POU1F1: variants seen among roughly 807,000 people sequenced by gnomAD.
POU1F1 encodes the protein pituitary-specific positive transcription factor 1.
POU1F1 carries 23 observed loss-of-function variants against 32.3 expected under a neutral mutation model. That is an observed-to-expected ratio of 0.71 (90% CI 0.51 to 1.01). The LOEUF is 1.01. POU1F1 is among the 50% of genes least tolerant of loss of function. The pLI, the probability that POU1F1 is intolerant of heterozygous loss-of-function variation, is 0.00. For synonymous variants in POU1F1, 120 were observed against 115.6 expected (o/e 1.04, Z -0.25); for missense variants, 323 against 341.6 (o/e 0.95, Z 0.43).
chr3:87,267,794 C>T (rs759788344), intron 2 of POU1F1, among the ~76,000 whole-genome samples: 12 of 152,074 alleles, frequency 7.9e-5, no homozygotes, highest in Non-Finnish European at 1.0e-4. Flanking sequence ...TTTGCACAGA[C>T]GGGATCTCAC....
intron 2 of POU1F1, among the ~76,000 whole-genome samples, chr3:87,271,448 C>T (rs909603636): frequency 1.3e-5 from 2 of 152,148 alleles, no homozygotes; most frequent in African/African-American, 2.4e-5. Flanking sequence ...TGGTTTTAAT[C>T]TTGGTGCCAA....
chr3:87,267,634 G>A (rs1459745843), intron 2 of POU1F1, among the ~76,000 whole-genome samples: 1 of 151,870 alleles, frequency 6.6e-6, no homozygotes, highest in Non-Finnish European at 1.5e-5. Flanking sequence ...TAGAGATGGG[G>A]TCACACTCTG....
At chr3:87,260,871 TTTTTATTTA>T (rs1356805362) in intron 5 of POU1F1, among the ~76,000 whole-genome samples, 26 of 4,862 alleles carry the variant, frequency 5.3e-3, no homozygotes, top group African/African-American at 0.02. Context: ...TATTATTTTT[TTTTTATTTA>T]TTTATTTATT....
intron 2 of POU1F1, among the ~76,000 whole-genome samples, chr3:87,268,084 C>CTTT (rs11387958): frequency 5.5e-4 from 64 of 116,428 alleles, no homozygotes; most frequent in Non-Finnish European, 8.4e-4. Flanking sequence ...TTCCCTTTCC[C>CTTT]TTTTTTTTTT....
At chr3:87,268,640 A>G (rs1706671306) in intron 2 of POU1F1, among the ~76,000 whole-genome samples, 1 of 152,184 alleles carries the variant, frequency 6.6e-6, no homozygotes, top group Non-Finnish European at 1.5e-5. Flanking sequence ...AAAAAGTAGG[A>G]ATAAGATAAA....
chr3:87,267,695 A>C (rs747065847), intron 2 of POU1F1, among the ~76,000 whole-genome samples: 24 of 152,034 alleles, frequency 1.6e-4, no homozygotes, highest in Non-Finnish European at 2.6e-4. Flanking sequence ...GCAATCTCAA[A>C]TTTCTGGCCT....
chr3:87,268,801 T>G (rs911623005), intron 2 of POU1F1, among the ~76,000 whole-genome samples: 11 of 152,170 alleles, frequency 7.2e-5, no homozygotes, highest in African/African-American at 2.7e-4. Flanking sequence ...ACATTGAAGA[T>G]TAATTCACCA....
At chr3:87,271,678 T>G (rs969439538) in intron 2 of POU1F1, among the ~76,000 whole-genome samples, 6 of 152,178 alleles carry the variant, frequency 3.9e-5, no homozygotes, top group African/African-American at 1.4e-4. Context: ...ATTTTACTAT[T>G]TTATAATGAC....
chr3:87,273,333 A>T lies in POU1F1; in HGVS notation c.214+14T>A. 1 of 1,608,322 alleles carries T rather than the reference A, an allele frequency of 6.2e-7. No individual in the cohort carries two copies. The highest frequency in any genetic ancestry group is 1.1e-5 in the South Asian group (1 of 90,770). On this transcript the variant is annotated intron_variant, in intron 2 of 5. Coordinates refer to ENST00000350375, the MANE Select transcript of POU1F1 (RefSeq NM_000306.4). ...CCCCAAATTCAATAACATGTAAAAG[A>T]CAACTTTTCTTACCTGCCATCACTC... is the stretch of plus-strand genomic sequence containing the variant.
chr3:87,273,615 C>T (rs769613161), intron 1 of POU1F1, 197 bp from the exon 2 acceptor site: 22 of 1,021,900 alleles, frequency 2.2e-5, no homozygotes, highest in Admixed American at 5.7e-5. Flanking sequence ...AGTTCTCTGA[C>T]GAGTAGGTTA....
intron 2 of POU1F1, among the ~76,000 whole-genome samples, chr3:87,272,582 C>T (rs994485169): frequency 2.2e-4 from 33 of 152,264 alleles, no homozygotes; most frequent in African/African-American, 6.5e-4. Context: ...GCCAGATCTA[C>T]GCATTCCTCA....
chr3:87,276,210 T>C, intron 1 of POU1F1, 111 bp downstream of exon 1: 1 of 1,361,012 alleles, frequency 7.3e-7, no homozygotes, highest in Non-Finnish European at 1.0e-6. Context: ...ACAAATTAAA[T>C]TGGAGGGGTA....
chr3:87,259,642 A>G lies in POU1F1; in HGVS notation c.*252T>C. 1 of 455,476 alleles carries G rather than the reference A, an allele frequency of 2.2e-6. No individual in the cohort carries two copies. Among genetic ancestry groups the G allele is most frequent in the South Asian group, 2.4e-5 (1 of 42,450 alleles). The allele number at this position is 455,476 out of a possible 1,614,324, so 28.2% of individuals were successfully genotyped here. A position where few individuals can be genotyped will look rare whatever the true frequency, so the allele number is the denominator to read the frequency against. On this transcript the variant is annotated 3_prime_UTR_variant, in exon 6 of 6. Coordinates refer to ENST00000350375, the MANE Select transcript of POU1F1 (RefSeq NM_000306.4). ...GAAAGAGAGCGGGAGAGACAGAGAG[A>G]TCATTTTATTACTGTTAATATATTT... is the stretch of plus-strand genomic sequence containing the variant.
intron 2 of POU1F1, among the ~76,000 whole-genome samples, chr3:87,271,976 T>A (rs1306569228): frequency 6.6e-6 from 1 of 152,118 alleles, no homozygotes; most frequent in Non-Finnish European, 1.5e-5. Flanking sequence ...TAGTCTTACA[T>A]GGACAAATTT....
At chr3:87,271,706 G>A (rs935409471) in intron 2 of POU1F1, among the ~76,000 whole-genome samples, 4 of 152,218 alleles carry the variant, frequency 2.6e-5, no homozygotes, top group Admixed American at 1.3e-4. Flanking sequence ...CATCATTGAG[G>A]AGGGCTATTC....
At chr3:87,260,590 A>T (rs1030432354) in intron 5 of POU1F1, among the ~76,000 whole-genome samples, 1 of 152,170 alleles carries the variant, frequency 6.6e-6, no homozygotes, top group Admixed American at 6.5e-5. Context: ...GAAATGCAAG[A>T]GGTCATGTTG....
chr3:87,260,870 TTTTTTA>T, intron 5 of POU1F1, among the ~76,000 whole-genome samples: 2 of 272 alleles, frequency 7.4e-3, no homozygotes, highest in African/African-American at 0.019. Flanking sequence ...TTATTATTTT[TTTTTTA>T]TTTATTTATT....
chr3:87,271,514 T>C (rs551308231), intron 2 of POU1F1, among the ~76,000 whole-genome samples: 1 of 152,172 alleles, frequency 6.6e-6, no homozygotes, highest in Non-Finnish European at 1.5e-5. Context: ...AAACTAACAA[T>C]GTACCTTGGT....
Position 87,261,406 on chromosome 3 carries a change from T to G in POU1F1, c.605-73A>C, listed in dbSNP as rs139649367. 811 of 1,176,762 alleles carry G rather than the reference T, an allele frequency of 6.9e-4. 5 individuals carry two copies. In the African/African-American group the frequency reaches 0.01, roughly 15 times the overall value. The allele number at this position is 1,176,762 out of a possible 1,614,324, so 72.9% of individuals were successfully genotyped here. A position where few individuals can be genotyped will look rare whatever the true frequency, so the allele number is the denominator to read the frequency against. On this transcript the variant is annotated intron_variant, in intron 4 of 5. Coordinates refer to ENST00000350375, the MANE Select transcript of POU1F1 (RefSeq NM_000306.4). ...TATAAAAAACGATCTGATTTGGATT[T>G]CAAATTTTCTTCATAAAACAATGCA...
Sources: gnomAD v4.1 joint callset for allele counts (sites outside exome capture counted in the v4.1 genomes callset) on GRCh38, gnomAD v4.1.1 for gene constraint, MANE v1.5 for transcripts, NCBI Gene and HGNC (gene_info 2026-07-23, HGNC 2026-07-21) for gene names.